The following FAM107B variants were observed in gnomAD, a reference collection of about 807,000 sequenced individuals.
The protein encoded by FAM107B is protein FAM107B.
In FAM107B, 21 loss-of-function variants were observed where a neutral mutation model predicts 31.5. The observed-to-expected ratio is 0.67, with a 90% CI of 0.47 to 0.96. The LOEUF is 0.96. FAM107B is among the 40% of genes least tolerant of loss of function. The pLI, the probability that FAM107B is intolerant of heterozygous loss-of-function variation, is 0.00. For missense variants in FAM107B, 452 were observed against 377.1 expected (o/e 1.20, Z -1.64); for synonymous variants, 157 against 141.5 (o/e 1.11, Z -0.78).
At chr10:14,573,916 C>A (rs1018821500) in intron 2 of FAM107B, among the ~76,000 whole-genome samples, 67 of 137,410 alleles carry the variant, frequency 4.9e-4, no homozygotes, top group East Asian at 2.7e-3. Context: ...AACAAACAAA[C>A]AAAAAAAAAA....
At position 14,700,575 on chromosome 10, in the gene FAM107B, G is replaced by C. The variant is rs576961036; in HGVS notation, c.412-32884C>G. On this transcript the variant is annotated intron_variant, in intron 1 of 4. Coordinates refer to ENST00000181796, the MANE Select transcript of FAM107B (RefSeq NM_031453.4). ...AATGACCATGAGAATGAGGGGTGGG[G>C]TGGGAGTCTGAAAGCCCAGCCTGTG... 9.1e-4 allele frequency among the ~76,000 whole-genome samples: 138 copies of C among 152,160 alleles called. 1 individual carries two copies. In the South Asian group the frequency reaches 0.028, roughly 30 times the overall value.
At chr10:14,526,074 C>G (rs1846192319) in intron 3 of FAM107B, among the ~76,000 whole-genome samples, 1 of 152,208 alleles carries the variant, frequency 6.6e-6, no homozygotes, top group Non-Finnish European at 1.5e-5. Flanking sequence ...AGGTCTGGGG[C>G]TCAGACCGTC....
intron 2 of FAM107B, among the ~76,000 whole-genome samples, chr10:14,611,330 T>C (rs1376174298): frequency 6.6e-6 from 1 of 151,984 alleles, no homozygotes; most frequent in African/African-American, 2.4e-5. Flanking sequence ...ATAACTGACA[T>C]ACAATACAAA....
intron 2 of FAM107B, among the ~76,000 whole-genome samples, chr10:14,537,124 T>C (rs1416514968): frequency 1.3e-5 from 2 of 152,048 alleles, no homozygotes; most frequent in South Asian, 2.1e-4. Context: ...CCTCAACTAA[T>C]GAGGTGTCCA....
At chr10:14,574,907 T>C (rs1002924854) in intron 2 of FAM107B, among the ~76,000 whole-genome samples, 14 of 152,144 alleles carry the variant, frequency 9.2e-5, no homozygotes, top group African/African-American at 3.4e-4. Context: ...GCCTGTTTTA[T>C]TCCAAAAATC....
chr10:14,633,128 G>A (rs576422262), intron 2 of FAM107B, among the ~76,000 whole-genome samples: 11 of 151,808 alleles, frequency 7.2e-5, no homozygotes, highest in African/African-American at 2.7e-4. Context: ...GAATCCAGGA[G>A]GCAGAGGTTG....
At chr10:14,669,273 G>A (rs545239818) in intron 1 of FAM107B, among the ~76,000 whole-genome samples, 4 of 151,120 alleles carry the variant, frequency 2.6e-5, no homozygotes, top group East Asian at 2.0e-4. Flanking sequence ...GGGAGGCTGC[G>A]GCAGGAGAAT....
chr10:14,587,256 A>T (rs1311121141), intron 2 of FAM107B, among the ~76,000 whole-genome samples: 2 of 152,178 alleles, frequency 1.3e-5, no homozygotes, highest in Non-Finnish European at 2.9e-5. Context: ...ATAAATGACA[A>T]CATACATCTG....
chr10:14,594,306 G>C (rs1268943478), intron 2 of FAM107B, among the ~76,000 whole-genome samples: 1 of 152,068 alleles, frequency 6.6e-6, no homozygotes, highest in Non-Finnish European at 1.5e-5. Context: ...AGGAGTTCAA[G>C]ACCAACCGGG....
At chr10:14,531,859 G>GGGAATGAAACGTATATATATT (rs1847056145) in intron 2 of FAM107B, among the ~76,000 whole-genome samples, 1 of 151,956 alleles carries the variant, frequency 6.6e-6, no homozygotes, top group African/African-American at 2.4e-5. Context: ...GAAAAGGAAA[G>GGGAATGAAACGTATATATATT]GGAATGAAAC....
intron 2 of FAM107B, among the ~76,000 whole-genome samples, chr10:14,530,941 AT>A (rs1388037202): frequency 3.3e-5 from 5 of 152,240 alleles, no homozygotes; most frequent in African/African-American, 1.2e-4. Flanking sequence ...AGAGGGGCCT[AT>A]AAACTAAAGC....
At chr10:14,643,126 C>T (rs200505654) in intron 2 of FAM107B, among the ~76,000 whole-genome samples, 1 of 79,728 alleles carries the variant, frequency 1.3e-5, no homozygotes, top group African/African-American at 4.6e-5. Context: ...GGTAGATAGA[C>T]AGATAGATAG....
intron 1 of FAM107B, among the ~76,000 whole-genome samples, chr10:14,755,477 G>A (rs1444360136): frequency 6.6e-6 from 1 of 150,496 alleles, no homozygotes; most frequent in Non-Finnish European, 1.5e-5. Flanking sequence ...GGAGGCAGAG[G>A]TTGTGTGAGA....
chr10:14,636,432 T>C (rs987707096), intron 2 of FAM107B, among the ~76,000 whole-genome samples: 2 of 152,178 alleles, frequency 1.3e-5, no homozygotes, highest in East Asian at 1.9e-4. Context: ...GGGTAGAGTA[T>C]ATGAACTATT....
At chr10:14,624,454 G>A (rs906939488) in intron 2 of FAM107B, among the ~76,000 whole-genome samples, 2 of 152,108 alleles carry the variant, frequency 1.3e-5, no homozygotes, top group African/African-American at 4.8e-5. Flanking sequence ...TGGCCAAAAC[G>A]GTGAAACCCC....
intron 2 of FAM107B, among the ~76,000 whole-genome samples, chr10:14,536,240 C>G (rs1234642191): frequency 1.3e-5 from 2 of 152,202 alleles, no homozygotes; most frequent in Non-Finnish European, 2.9e-5. Flanking sequence ...ATACTTGAAT[C>G]CTTTCTAAAA....
chr10:14,701,691 T>C (rs1278617764), intron 1 of FAM107B, among the ~76,000 whole-genome samples: 1 of 151,278 alleles, frequency 6.6e-6, no homozygotes, highest in Non-Finnish European at 1.5e-5. Flanking sequence ...AAGAATGCAA[T>C]GACCGGCCCT....
chr10:14,617,879 G>A (rs1852894313), intron 2 of FAM107B, among the ~76,000 whole-genome samples: 1 of 152,066 alleles, frequency 6.6e-6, no homozygotes, highest in Admixed American at 6.5e-5. Flanking sequence ...ATTGCTTGAA[G>A]CTGGGAGGTG....
intron 3 of FAM107B, among the ~76,000 whole-genome samples, chr10:14,524,208 A>AT (rs1401076398): frequency 6.6e-6 from 1 of 151,760 alleles, no homozygotes; most frequent in Non-Finnish European, 1.5e-5. Flanking sequence ...CGACCGGATA[A>AT]TTTTTTGTAT....
Sources: gnomAD v4.1 joint callset for allele counts (sites outside exome capture counted in the v4.1 genomes callset) on GRCh38, gnomAD v4.1.1 for gene constraint, MANE v1.5 for transcripts, NCBI Gene and HGNC (gene_info 2026-07-23, HGNC 2026-07-21) for gene names.